The following TUT7 variants were observed in gnomAD, a reference collection of about 807,000 sequenced individuals.
TUT7 encodes the protein terminal uridylyltransferase 7.
TUT7 carries 33 observed loss-of-function variants against 165.9 expected under a neutral mutation model. That is an observed-to-expected ratio of 0.20 (90% CI 0.15 to 0.27). The LOEUF (loss-of-function observed/expected upper bound fraction) is 0.27, where lower values mean the gene tolerates loss of function less well. Among genes scored for constraint, TUT7 ranks in the 10% least tolerant of loss-of-function variants. TUT7 has a pLI of 1.00. For missense variants in TUT7, 1,338 were observed against 1,762.3 expected (o/e 0.76, Z 4.31); for synonymous variants, 552 against 608.1 (o/e 0.91, Z 1.36).
At chr9:86,303,031 A>G in intron 25 of TUT7, 55 bp downstream of exon 25, 2 of 798,452 alleles carry the variant, frequency 2.5e-6, no homozygotes, top group Non-Finnish European at 4.0e-6. Flanking sequence ...CTCATTTAAA[A>G]ATTGGGACAT....
intron 5 of TUT7, among the ~76,000 whole-genome samples, chr9:86,343,631 G>C (rs1046449422): frequency 1.3e-5 from 2 of 152,072 alleles, no homozygotes; most frequent in Admixed American, 1.3e-4. Flanking sequence ...CTATAAGGAG[G>C]TTTTAGTAAA....
chr9:86,335,209 C>T (rs1564083058), intron 10 of TUT7, among the ~76,000 whole-genome samples: 3 of 152,148 alleles, frequency 2.0e-5, no homozygotes, highest in Non-Finnish European at 4.4e-5. Context: ...TGCTCAAGGT[C>T]ACAAGGATGT....
intron 25 of TUT7, among the ~76,000 whole-genome samples, chr9:86,302,385 G>A (rs1827005492): frequency 6.6e-6 from 1 of 152,164 alleles, no homozygotes; most frequent in Non-Finnish European, 1.5e-5. Flanking sequence ...ATATCCCAAC[G>A]TGCTGAACAG....
At chr9:86,300,552 A>G (rs1007875663) in intron 26 of TUT7, among the ~76,000 whole-genome samples, 2 of 152,234 alleles carry the variant, frequency 1.3e-5, no homozygotes, top group Non-Finnish European at 2.9e-5. Flanking sequence ...ATTACTTATT[A>G]TACACACACA....
chr9:86,302,738 T>A (rs565827252), intron 25 of TUT7, among the ~76,000 whole-genome samples: 1 of 151,386 alleles, frequency 6.6e-6, no homozygotes, highest in African/African-American at 2.4e-5. Flanking sequence ...AGCCTCAGCC[T>A]CCCAAGTAGC....
At position 86,353,225 on chromosome 9, in the gene TUT7, T is replaced by G; in HGVS notation, c.-26A>C. 1 of 1,534,416 alleles carries G rather than the reference T, an allele frequency of 6.5e-7. No homozygotes were observed. The highest frequency in any genetic ancestry group is 8.7e-7 in the Non-Finnish European group (1 of 1,147,732). Reference sequence around the variant, plus strand: ...GGTCTTTGACTTCAATTTTCTTACTTTGCACCTGAAAGAAGGTATTTTGGG... The same window carrying G: ...GGTCTTTGACTTCAATTTTCTTACTGTGCACCTGAAAGAAGGTATTTTGGG... On this transcript the variant is annotated 5_prime_UTR_variant, in exon 2 of 27. Coordinates refer to ENST00000375963, the MANE Select transcript of TUT7 (RefSeq NM_024617.4).
At chr9:86,320,510 A>G (rs185822039) in intron 14 of TUT7, among the ~76,000 whole-genome samples, 1 of 152,348 alleles carries the variant, frequency 6.6e-6, no homozygotes, top group South Asian at 2.1e-4. Flanking sequence ...TTTAGAAATA[A>G]TATTTCTCAG....
Position 86,323,917 on chromosome 9 carries a change from A to C in TUT7, c.1833T>G (p.Ser611Arg). Residue 611 changes from serine to arginine, a missense_variant, in exon 13 of 27, where the codon AGT (serine) becomes AGG (arginine). Transcript: ENST00000375963. Reference protein sequence around the residue: ...VKRNVARTLNSQPVFEYILHC... With the variant: ...VKRNVARTLNRQPVFEYILHC... The stretch of plus-strand genomic sequence containing the variant: ...GAAGTATATATTCAAACACAGGTTG[A>C]CTATTTAGGGTTCTTGCCACATTTC... 6.2e-7 allele frequency: 1 copy of C among 1,609,656 alleles called. No homozygotes were observed. The highest frequency in any genetic ancestry group is 8.5e-7 in the Non-Finnish European group (1 of 1,177,246).
intron 10 of TUT7, among the ~76,000 whole-genome samples, chr9:86,335,223 TG>T (rs1830661419): frequency 6.6e-6 from 1 of 152,154 alleles, no homozygotes; most frequent in Admixed American, 6.6e-5. Context: ...AGGATGTGAG[TG>T]GCAAAACAGA....
intron 17 of TUT7, among the ~76,000 whole-genome samples, chr9:86,312,703 G>A (rs552807654): frequency 1.8e-4 from 27 of 152,284 alleles, no homozygotes; most frequent in African/African-American, 5.5e-4. Context: ...TTGAGAAATC[G>A]GATGGTTGCC....
At chr9:86,321,270 T>C (rs1228857535) in intron 14 of TUT7, among the ~76,000 whole-genome samples, 2 of 151,938 alleles carry the variant, frequency 1.3e-5, no homozygotes, top group African/African-American at 2.4e-5. Context: ...GGCAGGAGAA[T>C]TGCTTGAACC....
At chr9:86,317,637 G>T (rs1828849148) in intron 16 of TUT7, among the ~76,000 whole-genome samples, 1 of 152,146 alleles carries the variant, frequency 6.6e-6, no homozygotes, top group Admixed American at 6.5e-5. Context: ...TAAATGAGAG[G>T]AGGCTTCTGT....
chr9:86,295,618 C>T (rs1826243941), intron 26 of TUT7, among the ~76,000 whole-genome samples: 4 of 152,106 alleles, frequency 2.6e-5, no homozygotes, highest in Admixed American at 2.6e-4. Context: ...GAGCTCTCCC[C>T]ATACTATTTT....
At chr9:86,296,273 A>C (rs1284960764) in intron 26 of TUT7, among the ~76,000 whole-genome samples, 2 of 152,218 alleles carry the variant, frequency 1.3e-5, no homozygotes, top group Non-Finnish European at 2.9e-5. Flanking sequence ...AACTTGATAG[A>C]GGTCACACAA....
intron 12 of TUT7, among the ~76,000 whole-genome samples, chr9:86,324,173 T>G (rs971650074): frequency 1.8e-4 from 28 of 152,176 alleles, no homozygotes; most frequent in African/African-American, 6.8e-4. Context: ...ATCGGCTCTA[T>G]GAAGGGAACC....
chr9:86,327,603 G>A (rs1259898300), intron 11 of TUT7, among the ~76,000 whole-genome samples: 3 of 152,212 alleles, frequency 2.0e-5, no homozygotes, highest in Non-Finnish European at 4.4e-5. Flanking sequence ...AGTGGTTCTG[G>A]TGGCAGCAGA....
intron 11 of TUT7, among the ~76,000 whole-genome samples, 194 bp downstream of exon 11, chr9:86,328,146 T>C (rs992770345): frequency 1.3e-5 from 2 of 152,196 alleles, no homozygotes; most frequent in South Asian, 2.1e-4. Flanking sequence ...ACTACATAAA[T>C]AACTGTGGAT....
At chr9:86,337,295 G>T in intron 10 of TUT7, 124 bp downstream of exon 10, 1 of 1,065,060 alleles carries the variant, frequency 9.4e-7, no homozygotes, top group Non-Finnish European at 1.4e-6. Flanking sequence ...ATATTCACAT[G>T]AGTAGAATAA....
At position 86,328,355 on chromosome 9, in the gene TUT7, C is replaced by CG; in HGVS notation, c.1592dup (p.Ile532AspfsTer2). On this transcript the variant is annotated frameshift_variant, in exon 11 of 27. Transcript: ENST00000375963. LOFTEE classifies it high-confidence loss of function. ...GAGAACAGACCTGTCCCCTTTTAAT[C>CG]GGCGTTTCTCTTGGTGCCTCTTCTT... 6.2e-7 allele frequency: 1 copy of CG among 1,601,314 alleles called. No individual in the cohort carries two copies. Among genetic ancestry groups the CG allele is most frequent in the Non-Finnish European group, 8.5e-7 (1 of 1,174,762 alleles).
Sources: allele counts gnomAD v4.1 joint callset (sites outside exome capture counted in the v4.1 genomes callset), GRCh38; gene constraint gnomAD v4.1.1; transcripts MANE v1.5; gene names NCBI Gene and HGNC (gene_info 2026-07-23, HGNC 2026-07-21).